IQGAP1: variants seen among roughly 807,000 people sequenced by gnomAD.
IQGAP1 encodes the protein ras GTPase-activating-like protein IQGAP1.
A neutral mutation model predicts 215.6 loss-of-function variants in IQGAP1; 66 were observed. The ratio of observed to expected loss-of-function variants is 0.31; its 90% CI spans 0.25 to 0.38. IQGAP1 has a LOEUF of 0.38. IQGAP1 is among the 10% of genes least tolerant of loss of function. The pLI is 1.00. For synonymous variants in IQGAP1, 772 were observed against 728.7 expected (o/e 1.06, Z -0.96); for missense variants, 1,712 against 1,997.1 (o/e 0.86, Z 2.72).
intron 31 of IQGAP1, 106 bp from the exon 32 acceptor site, chr15:90,486,848 G>A: frequency 4.4e-6 from 5 of 1,143,630 alleles, no homozygotes; most frequent in Non-Finnish European, 6.3e-6. Flanking sequence ...TGTGTTAGGT[G>A]ATTCAAGTAT....
chr15:90,497,920 G>T (rs1292413169), intron 37 of IQGAP1, among the ~76,000 whole-genome samples: 2 of 152,160 alleles, frequency 1.3e-5, no homozygotes, highest in Admixed American at 6.5e-5. Context: ...AGCTTTGTGT[G>T]TGTGGCACCG....
intron 3 of IQGAP1, 51 bp downstream of exon 3, chr15:90,426,317 A>G (rs758031029): frequency 1.9e-6 from 3 of 1,557,234 alleles, no homozygotes; most frequent in South Asian, 1.2e-5. Flanking sequence ...TGAGAAAGTT[A>G]GCATGTTTTA....
chr15:90,489,129 T>C (rs796668769), intron 33 of IQGAP1, among the ~76,000 whole-genome samples: 26 of 149,138 alleles, frequency 1.7e-4, no homozygotes, highest in Non-Finnish European at 6.0e-5. Flanking sequence ...TTGTTTCTTT[T>C]TTTTTTTTTT....
At chr15:90,447,542 T>C (rs994516570) in intron 9 of IQGAP1, among the ~76,000 whole-genome samples, 5 of 152,200 alleles carry the variant, frequency 3.3e-5, no homozygotes, top group Admixed American at 2.6e-4. Context: ...TGATTTCTTT[T>C]TGCTACTGTG....
chr15:90,444,202 G>A (rs1965491261), intron 9 of IQGAP1, among the ~76,000 whole-genome samples: 1 of 149,774 alleles, frequency 6.7e-6, no homozygotes, highest in Non-Finnish European at 1.5e-5. Context: ...TCATCACTTA[G>A]GAATAATCAT....
At chr15:90,466,694 A>T (rs1965837783) in intron 17 of IQGAP1, among the ~76,000 whole-genome samples, 2 of 151,476 alleles carry the variant, frequency 1.3e-5, no homozygotes, top group Admixed American at 1.3e-4. Context: ...TCTTTCACAG[A>T]GTAGCAGTAG....
chr15:90,394,775 C>T (rs1418236722), intron 2 of IQGAP1, among the ~76,000 whole-genome samples: 1 of 145,348 alleles, frequency 6.9e-6, no homozygotes, highest in African/African-American at 2.6e-5. Flanking sequence ...AAAGCTTCCC[C>T]TCTTCAGTTC....
intron 35 of IQGAP1, 198 bp from the exon 36 acceptor site, chr15:90,494,515 C>G (rs1966247234): frequency 8.5e-6 from 3 of 353,918 alleles, no homozygotes; most frequent in Non-Finnish European, 1.6e-5. Context: ...AAAATAGAAG[C>G]AATTTAGTAA....
At chr15:90,469,222 A>C (rs1184367144) in intron 18 of IQGAP1, among the ~76,000 whole-genome samples, 1 of 151,792 alleles carries the variant, frequency 6.6e-6, no homozygotes, top group African/African-American at 2.4e-5. Flanking sequence ...AAGCTCCTGT[A>C]GGTCGTTAGA....
chr15:90,482,388 G>A, intron 28 of IQGAP1, 107 bp downstream of exon 28: 1 of 1,000,038 alleles, frequency 1.0e-6, no homozygotes, highest in Non-Finnish European at 1.6e-6. Context: ...TCTGGCAGTA[G>A]CTTACCATTG....
chr15:90,433,128 G>A (rs1452872606), intron 4 of IQGAP1, among the ~76,000 whole-genome samples: 2 of 152,188 alleles, frequency 1.3e-5, no homozygotes, highest in African/African-American at 4.8e-5. Context: ...CCGTGGAAAA[G>A]TACTTGTCTT....
At chr15:90,436,305 C>T (rs758451618) in intron 5 of IQGAP1, among the ~76,000 whole-genome samples, 2 of 152,106 alleles carry the variant, frequency 1.3e-5, no homozygotes, top group African/African-American at 2.4e-5. Flanking sequence ...TGCCCCAGGG[C>T]TTGCTGGGGA....
chr15:90,482,536 C>A (rs989679355), intron 28 of IQGAP1, among the ~76,000 whole-genome samples: 2 of 152,156 alleles, frequency 1.3e-5, no homozygotes, highest in African/African-American at 4.8e-5. Flanking sequence ...TTCTTTGAGT[C>A]CTATCTTTTC....
intron 13 of IQGAP1, among the ~76,000 whole-genome samples, chr15:90,453,968 C>T (rs888926717): frequency 1.3e-5 from 2 of 152,186 alleles, no homozygotes; most frequent in African/African-American, 4.8e-5. Flanking sequence ...ACTTCCATTG[C>T]GTATTTACGC....
At chr15:90,485,560 C>T (rs963785964) in intron 30 of IQGAP1, among the ~76,000 whole-genome samples, 1 of 152,140 alleles carries the variant, frequency 6.6e-6, no homozygotes, top group Non-Finnish European at 1.5e-5. Flanking sequence ...CTGCATCAGC[C>T]TCCCTAGTAG....
At chr15:90,454,049 G>C (rs114136041) in intron 13 of IQGAP1, among the ~76,000 whole-genome samples, 2,232 of 152,238 alleles carry the variant, frequency 0.015, 43 homozygotes, top group African/African-American at 0.051. Context: ...AAGCATTCAC[G>C]TGATATTTTT....
intron 15 of IQGAP1, among the ~76,000 whole-genome samples, chr15:90,464,145 T>A (rs1965799137): frequency 6.6e-6 from 1 of 152,214 alleles, no homozygotes; most frequent in South Asian, 2.1e-4. Context: ...TTTGAGCTGC[T>A]ATTTATACCA....
Position 90,433,760 on chromosome 15 carries a change from C to T in IQGAP1, c.432C>T (p.Asn144=), listed in dbSNP as rs755351978. The change falls in exon 5 of 38, where the codon AAC becomes AAT. Residue 144 remains asparagine (N), a synonymous_variant. Coordinates refer to ENST00000268182, the MANE Select transcript of IQGAP1 (RefSeq NM_003870.4). The stretch of plus-strand genomic sequence containing the variant: ...CTACAGATATCTATGATCGAAAGAA[C>T]ATGCCAAGATGTATCTACTGTATCC... The part of the protein sequence containing the change: ...PETTDIYDRK[N]MPRCIYCIHA... The T allele has an allele frequency of 6.2e-7, 1 of 1,608,292 alleles. No homozygotes were observed. Among genetic ancestry groups the T allele is most frequent in the East Asian group, 2.2e-5 (1 of 44,656 alleles).
At chr15:90,472,434 T>TC (rs1049485112) in intron 18 of IQGAP1, among the ~76,000 whole-genome samples, 1 of 152,112 alleles carries the variant, frequency 6.6e-6, no homozygotes, top group Non-Finnish European at 1.5e-5. Context: ...CTCTGGTCTC[T>TC]CCCCCTGAGA....
Sources: gnomAD v4.1 joint callset for allele counts (sites outside exome capture counted in the v4.1 genomes callset) on GRCh38, gnomAD v4.1.1 for gene constraint, MANE v1.5 for transcripts, NCBI Gene and HGNC (gene_info 2026-07-23, HGNC 2026-07-21) for gene names.